Variants in LRRC49 observed in about 807,000 individuals in gnomAD.
LRRC49 encodes leucine-rich repeat-containing protein 49.
LRRC49 carries 50 observed loss-of-function variants against 83.3 expected under a neutral mutation model. That is an observed-to-expected ratio of 0.60 (90% CI 0.48 to 0.76). LRRC49 has a LOEUF of 0.76. LRRC49 is among the 30% of genes least tolerant of loss of function. The pLI is 0.00. For missense variants in LRRC49, 704 were observed against 809.1 expected, an observed-to-expected ratio of 0.87 and a Z score of 1.58; for synonymous variants, 286 against 283.3, an observed-to-expected ratio of 1.01 and a Z score of -0.10.
intron 11 of LRRC49, among the ~76,000 whole-genome samples, chr15:70,997,242 T>C (rs1212008046): frequency 6.6e-6 from 1 of 152,230 alleles, no homozygotes; most frequent in African/African-American, 2.4e-5. Flanking sequence ...TTATAATTGT[T>C]GTACCTTCCT....
At chr15:70,862,979 G>C (rs2032828664) in intron 1 of LRRC49, among the ~76,000 whole-genome samples, 1 of 152,190 alleles carries the variant, frequency 6.6e-6, no homozygotes, top group South Asian at 2.1e-4. Flanking sequence ...TGGCATAGGG[G>C]ATAAAGGGAT....
chr15:70,862,831 C>A (rs2032825614), intron 1 of LRRC49, among the ~76,000 whole-genome samples: 1 of 152,148 alleles, frequency 6.6e-6, no homozygotes, highest in Non-Finnish European at 1.5e-5. Context: ...AATTCAACCC[C>A]AGCATCTTCC....
intron 5 of LRRC49, chr15:70,907,782 C>T: frequency 2.8e-6 from 1 of 358,924 alleles, no homozygotes; most frequent in Non-Finnish European, 5.5e-6. Context: ...GGGTGAGCCT[C>T]ATCTTTTTCT....
chr15:70,867,339 GT>G (rs1567029869), intron 1 of LRRC49, among the ~76,000 whole-genome samples: 2 of 152,098 alleles, frequency 1.3e-5, no homozygotes, highest in Non-Finnish European at 2.9e-5. Context: ...GATGAGATTT[GT>G]TTTTTTCTTC....
chr15:70,990,135 T>A (rs956043013), intron 11 of LRRC49, among the ~76,000 whole-genome samples: 2 of 152,194 alleles, frequency 1.3e-5, no homozygotes, highest in African/African-American at 2.4e-5. Flanking sequence ...TCCAGCTGCG[T>A]GCTGGGAGAA....
At chr15:70,958,494 G>T (rs1038630266) in intron 8 of LRRC49, among the ~76,000 whole-genome samples, 1 of 152,120 alleles carries the variant, frequency 6.6e-6, no homozygotes, top group Non-Finnish European at 1.5e-5. Context: ...GCCTTCAGAA[G>T]CATTTTTATT....
intron 1 of LRRC49, among the ~76,000 whole-genome samples, chr15:70,871,847 G>T (rs1264774767): frequency 6.6e-6 from 1 of 151,790 alleles, no homozygotes; most frequent in Non-Finnish European, 1.5e-5. Context: ...GGGCGGCCGG[G>T]CAGAGACGCT....
chr15:71,009,825 A>AAG lies in LRRC49; in HGVS notation c.1426_1427insAG (p.Thr476LysfsTer5). On this transcript the variant is annotated frameshift_variant, in exon 13 of 16. Transcript: ENST00000260382. LOFTEE classifies it high-confidence loss of function. ...ATTGCAGCACCTTAAATTCAAGGAA[A>AAG]CAAATCTTGTAATGCTGCAGCAATT... 1 of 1,611,586 alleles carries AAG rather than the reference A, an allele frequency of 6.2e-7. No homozygotes were observed. The highest frequency in any genetic ancestry group is 8.5e-7 in the Non-Finnish European group (1 of 1,178,394).
intron 8 of LRRC49, among the ~76,000 whole-genome samples, chr15:70,955,591 C>G (rs1374270432): frequency 6.6e-6 from 1 of 152,160 alleles, no homozygotes; most frequent in Non-Finnish European, 1.5e-5. Context: ...TATCTCTCAG[C>G]CTTGAAGATC....
At chr15:71,001,576 AGTCTTCCCCTACTGCACTTGTTGTT>A (rs1346916507) in intron 11 of LRRC49, among the ~76,000 whole-genome samples, 1 of 152,002 alleles carries the variant, frequency 6.6e-6, no homozygotes, top group East Asian at 1.9e-4. Flanking sequence ...TGCTGCCAAT[AGTCTTCCCCTACTGCACTTGTTGTT>A]GTTGTGGGTT....
chr15:70,872,956 G>A (rs916145919), exon 2 of LRRC49: 37 of 430,926 alleles, frequency 8.6e-5, no homozygotes, highest in Middle Eastern at 1.4e-3. Flanking sequence ...GTGCGATCTC[G>A]CTCACTGCAA....
intron 14 of LRRC49, among the ~76,000 whole-genome samples, chr15:71,024,306 G>A (rs145278735): frequency 1.1e-4 from 17 of 152,326 alleles, no homozygotes; most frequent in African/African-American, 4.1e-4. Context: ...CTGACTGGGT[G>A]AGACTCCCCT....
chr15:70,990,820 C>T (rs1051579390), intron 11 of LRRC49, among the ~76,000 whole-genome samples: 12 of 152,176 alleles, frequency 7.9e-5, no homozygotes, highest in Admixed American at 2.0e-4. Context: ...TTTTTCTGCC[C>T]TAACACCAAT....
intron 11 of LRRC49, among the ~76,000 whole-genome samples, chr15:71,001,231 T>G (rs1005890570): frequency 1.3e-5 from 2 of 152,210 alleles, no homozygotes; most frequent in Non-Finnish European, 2.9e-5. Context: ...TTTCCTTCCA[T>G]AGGAATAATC....
chr15:70,917,666 C>G (rs1228455832), intron 6 of LRRC49, among the ~76,000 whole-genome samples: 2 of 152,192 alleles, frequency 1.3e-5, no homozygotes, highest in Non-Finnish European at 2.9e-5. Context: ...GAGCTACCCT[C>G]TCTGCTAGGA....
chr15:70,859,110 G>A (rs1037625172), intron 1 of LRRC49: 56 of 1,422,108 alleles, frequency 3.9e-5, no homozygotes, highest in Middle Eastern at 1.8e-4. Flanking sequence ...AAGATGGCTC[G>A]GAACAACAAG....
intron 11 of LRRC49, among the ~76,000 whole-genome samples, chr15:71,005,584 A>G (rs1027292805): frequency 1.3e-5 from 2 of 152,138 alleles, no homozygotes; most frequent in African/African-American, 4.8e-5. Context: ...GGAGGATTAG[A>G]GCAGTTATAT....
chr15:70,987,040 T>C (rs2037650773), intron 11 of LRRC49, among the ~76,000 whole-genome samples: 1 of 152,212 alleles, frequency 6.6e-6, no homozygotes, highest in Admixed American at 6.5e-5. Flanking sequence ...GGTTTGCCAG[T>C]ATTTTATTGA....
chr15:70,898,756 G>T (rs1369175610), intron 3 of LRRC49, among the ~76,000 whole-genome samples: 1 of 152,108 alleles, frequency 6.6e-6, no homozygotes, highest in African/African-American at 2.4e-5. Flanking sequence ...CTAAATTCCA[G>T]CCTGGGTGAC....
Sources: allele counts gnomAD v4.1 joint callset (sites outside exome capture counted in the v4.1 genomes callset), GRCh38; gene constraint gnomAD v4.1.1; transcripts MANE v1.5; gene names NCBI Gene and HGNC (gene_info 2026-07-23, HGNC 2026-07-21).